The following TRPM3 variants were observed in gnomAD, a reference collection of about 807,000 sequenced individuals.
The protein encoded by TRPM3 is transient receptor potential cation channel subfamily M member 3.
Under a neutral mutation model 181.2 loss-of-function variants are expected in TRPM3, and 77 were observed. The observed-to-expected ratio is 0.42, with a 90% CI of 0.35 to 0.51. The LOEUF (loss-of-function observed/expected upper bound fraction) is 0.51, where lower values mean the gene tolerates loss of function less well. Ranked by LOEUF, TRPM3 falls within the 20% of genes least tolerant of loss-of-function variation. The pLI is 0.01. For missense variants in TRPM3, 1,759 were observed against 2,196.7 expected, an observed-to-expected ratio of 0.80 and a Z score of 3.98; for synonymous variants, 745 against 796.4, an observed-to-expected ratio of 0.94 and a Z score of 1.09.
At chr9:71,380,612 G>T (rs7862661) in intron 1 of TRPM3, among the ~76,000 whole-genome samples, 28,200 of 151,904 alleles carry the variant, frequency 0.19, 2,969 homozygotes, top group Middle Eastern at 0.26. Flanking sequence ...TTCATCAGCA[G>T]AAAGCAAAGA....
chr9:71,073,532 A>G (rs906736330), intron 1 of TRPM3, among the ~76,000 whole-genome samples: 1 of 152,216 alleles, frequency 6.6e-6, no homozygotes, highest in Non-Finnish European at 1.5e-5. Flanking sequence ...TTTGCTGGCC[A>G]GAGATGGAGC....
rs536850200 is a variant in TRPM3, at chr9:70,552,759, G to A, written c.3574+85C>T. The A allele has an allele frequency of 2.1e-6, 3 of 1,404,656 alleles. No homozygotes were observed. The African/African-American group carries it at 4.2e-5, about 20-fold the overall frequency. The allele number at this position is 1,404,656 out of a possible 1,614,324, so 87.0% of individuals were successfully genotyped here. ...GCCTGCAAGAGGTAGGAGGAACTAG[G>A]TGGGCATGCGATTCTGCGTGATTGC... On this transcript the variant is annotated intron_variant, in intron 24 of 25. Transcript: ENST00000677713.
At chr9:70,620,666 T>A (rs1816729822) in intron 15 of TRPM3, among the ~76,000 whole-genome samples, 1 of 152,206 alleles carries the variant, frequency 6.6e-6, no homozygotes, top group African/African-American at 2.4e-5. Flanking sequence ...CAAAAGGTAA[T>A]GTTTGTACCT....
At chr9:71,324,312 T>C (rs1475805180) in intron 1 of TRPM3, among the ~76,000 whole-genome samples, 1 of 152,126 alleles carries the variant, frequency 6.6e-6, no homozygotes, top group Non-Finnish European at 1.5e-5. Flanking sequence ...CACAAGTCTC[T>C]TAAATAATCC....
intron 1 of TRPM3, among the ~76,000 whole-genome samples, chr9:70,955,824 C>T (rs2097062601): frequency 6.6e-6 from 1 of 152,118 alleles, no homozygotes; most frequent in Middle Eastern, 3.2e-3. Context: ...TGTTTTGAAC[C>T]CCACCCATCA....
intron 1 of TRPM3, among the ~76,000 whole-genome samples, chr9:70,959,787 C>T (rs115033075): frequency 4.6e-4 from 70 of 152,234 alleles, no homozygotes; most frequent in African/African-American, 1.6e-3. Flanking sequence ...TTTTAGATTG[C>T]GTTATAATTT....
intron 1 of TRPM3, among the ~76,000 whole-genome samples, chr9:71,358,415 C>A (rs1386787534): frequency 1.3e-5 from 2 of 152,044 alleles, no homozygotes; most frequent in African/African-American, 4.8e-5. Context: ...TCAGGCAGGG[C>A]TAAGTAAAAT....
chr9:70,805,534 G>GA lies in TRPM3; in HGVS notation c.974-21256dup, dbSNP rs534322844. 5.2e-3 allele frequency among the ~76,000 whole-genome samples: 428 copies of GA among 82,660 alleles called. 20 individuals carry two copies. The highest frequency in any genetic ancestry group is 6.9e-3 in the East Asian group (12 of 1,734). The allele number at this position is 82,660 out of a possible 152,430, so 54.2% of individuals were successfully genotyped here. A position where few individuals can be genotyped will look rare whatever the true frequency, so the allele number is the denominator to read the frequency against. ...GGGCGACAGAGCCAGACTCCATCTC[G>GA]AAAAAAAAAAAAAAAAAAAAAAAAA... On this transcript the variant is annotated intron_variant, in intron 6 of 25. Coordinates refer to ENST00000677713, the MANE Select transcript of TRPM3 (RefSeq NM_001366145.2).
intron 22 of TRPM3, among the ~76,000 whole-genome samples, chr9:70,556,041 C>G (rs965454358): frequency 2.6e-5 from 4 of 152,284 alleles, no homozygotes; most frequent in Non-Finnish European, 5.9e-5. Context: ...AAGACACTTC[C>G]TCCACTTGGG....
At chr9:70,610,859 A>C in intron 18 of TRPM3, 110 bp from the exon 19 acceptor site, 1 of 1,318,304 alleles carries the variant, frequency 7.6e-7, no homozygotes, top group Non-Finnish European at 1.0e-6. Context: ...TAAGAACCCA[A>C]GGCCCCAGAG....
intron 1 of TRPM3, among the ~76,000 whole-genome samples, chr9:71,419,107 A>C (rs930500780): frequency 1.3e-5 from 2 of 151,422 alleles, no homozygotes; most frequent in Non-Finnish European, 2.9e-5. Flanking sequence ...AAAATATTGG[A>C]GCTCTTATAG....
At chr9:71,437,851 G>A in intron 1 of TRPM3, among the ~76,000 whole-genome samples, 2 of 122,236 alleles carry the variant, frequency 1.6e-5, no homozygotes, top group Non-Finnish European at 3.3e-5. Context: ...CCGGGCAAAA[G>A]AGCGAAACTC....
In TRPM3 at chr9:70,620,139, G is replaced by A. The variant is rs929394927; in HGVS notation, c.2066C>T (p.Ala689Val). The change falls in exon 16 of 26, where the codon GCT becomes GTT. Residue 689 changes from alanine (A) to valine (V), a missense_variant. Coordinates refer to ENST00000677713, the MANE Select transcript of TRPM3 (RefSeq NM_001366145.2). ...CATGTCGTTCTCAGAGGCCTCATGA[G>A]CCATGGCTTTGCAGAGCTTGCAGGC... ...LVACKLCKAM[A>V]HEASENDMVD... 2 of 1,613,988 alleles carry A rather than the reference G, an allele frequency of 1.2e-6. No homozygotes were observed. Among genetic ancestry groups the A allele is most frequent in the African/African-American group, 2.7e-5 (2 of 74,916 alleles).
intron 1 of TRPM3, among the ~76,000 whole-genome samples, chr9:71,128,432 G>A (rs757599906): frequency 2.2e-4 from 34 of 152,166 alleles, no homozygotes; most frequent in Admixed American, 4.6e-4. Context: ...TGGGGTTTTA[G>A]TATAATTCAA....
At chr9:70,566,828 C>G (rs552908761) in intron 22 of TRPM3, among the ~76,000 whole-genome samples, 2 of 152,182 alleles carry the variant, frequency 1.3e-5, no homozygotes, top group African/African-American at 4.8e-5. Flanking sequence ...AAGGAAAATG[C>G]GTGCCAGGGA....
chr9:71,068,028 G>A (rs560809897), intron 1 of TRPM3, among the ~76,000 whole-genome samples: 1 of 152,232 alleles, frequency 6.6e-6, no homozygotes, highest in South Asian at 2.1e-4. Flanking sequence ...CCATTCTGGG[G>A]TGTTAGGTTA....
chr9:70,701,898 T>G (rs541451453), intron 8 of TRPM3, among the ~76,000 whole-genome samples: 126 of 149,802 alleles, frequency 8.4e-4, no homozygotes, highest in Non-Finnish European at 1.5e-3. Flanking sequence ...ATTATCATTC[T>G]TATTCCAGTA....
chr9:71,423,158 G>A (rs1007534630), intron 1 of TRPM3, among the ~76,000 whole-genome samples: 8 of 152,186 alleles, frequency 5.3e-5, no homozygotes, highest in South Asian at 2.1e-4. Flanking sequence ...CCTGCTGTGA[G>A]CAAGTTGCTT....
At chr9:71,197,066 T>C (rs994748568) in intron 1 of TRPM3, among the ~76,000 whole-genome samples, 2 of 152,138 alleles carry the variant, frequency 1.3e-5, no homozygotes, top group African/African-American at 2.4e-5. Context: ...TTCCCCTTCC[T>C]GTGTCCATGT....
Sources: gnomAD v4.1 joint callset for allele counts (sites outside exome capture counted in the v4.1 genomes callset) on GRCh38, gnomAD v4.1.1 for gene constraint, MANE v1.5 for transcripts, NCBI Gene and HGNC (gene_info 2026-07-23, HGNC 2026-07-21) for gene names.